The following UBN2 variants were observed in gnomAD, a reference collection of about 807,000 sequenced individuals.
The protein encoded by UBN2 is ubinuclein 2, also known as ubinuclein-2.
UBN2 carries 35 observed loss-of-function variants against 120.2 expected under a neutral mutation model. The observed-to-expected ratio is 0.29, with a 90% CI of 0.22 to 0.39. The LOEUF is 0.39. UBN2 is among the 10% of genes least tolerant of loss of function. The pLI is 1.00. For synonymous variants in UBN2, 661 were observed against 648.7 expected (o/e 1.02, Z -0.29); for missense variants, 1,693 against 1,663.2 (o/e 1.02, Z -0.31).
At chr7:139,275,407 C>G (rs187427113) in intron 11 of UBN2, among the ~76,000 whole-genome samples, 91 of 148,614 alleles carry the variant, frequency 6.1e-4, no homozygotes, top group African/African-American at 2.2e-3. Context: ...CACGGTGAAA[C>G]CCCGTCTCTA....
chr7:139,236,923 A>G (rs1359864102), intron 1 of UBN2, 82 bp from the exon 2 acceptor site: 1 of 813,226 alleles, frequency 1.2e-6, no homozygotes, highest in Non-Finnish European at 1.9e-6. Flanking sequence ...TGGTTGTTAC[A>G]TAATGATAAA....
At chr7:139,317,992 G>GA in the UBN2 span, among the ~76,000 whole-genome samples, 2 of 152,070 alleles carry the variant, frequency 1.3e-5, no homozygotes, top group African/African-American at 4.8e-5. Flanking sequence ...CCACTTTCCT[G>GA]AGTTTGTCAC....
At chr7:139,269,351 A>G in intron 7 of UBN2, 43 bp from the exon 8 acceptor site, 1 of 1,579,714 alleles carries the variant, frequency 6.3e-7, no homozygotes, top group Non-Finnish European at 8.6e-7. Flanking sequence ...TGCCACCTAA[A>G]ATAAATTCTA....
At chr7:139,277,076 G>A (rs1025530010) in intron 12 of UBN2, 1 of 151,682 alleles carries the variant, frequency 6.6e-6, no homozygotes, top group African/African-American at 2.4e-5. Flanking sequence ...AAAAAAAAAG[G>A]GGGGGGTTAT....
chr7:139,286,807 C>T (rs978471129), intron 15 of UBN2, among the ~76,000 whole-genome samples: 3 of 152,124 alleles, frequency 2.0e-5, no homozygotes, highest in African/African-American at 7.2e-5. Context: ...AGAGTTTCCC[C>T]TTGCTGTATG....
At chr7:139,241,154 T>C (rs1018317522) in intron 2 of UBN2, among the ~76,000 whole-genome samples, 3 of 152,228 alleles carry the variant, frequency 2.0e-5, no homozygotes, top group African/African-American at 7.2e-5. Context: ...ATTTGATGGG[T>C]ATAGACTTGT....
At chr7:139,320,257 T>C in the UBN2 span, among the ~76,000 whole-genome samples, 1 of 148,970 alleles carries the variant, frequency 6.7e-6, no homozygotes, top group South Asian at 2.1e-4. Flanking sequence ...AGGTCAGGAG[T>C]TTGAGACCAG....
chr7:139,277,665 T>C (rs894366938), intron 12 of UBN2: 1 of 152,202 alleles, frequency 6.6e-6, no homozygotes, highest in African/African-American at 2.4e-5. Flanking sequence ...AGGTTTACTT[T>C]GTTGCAAGAG....
At chr7:139,247,215 T>A (rs1453937509) in intron 2 of UBN2, among the ~76,000 whole-genome samples, 2 of 152,050 alleles carry the variant, frequency 1.3e-5, no homozygotes, top group Non-Finnish European at 2.9e-5. Context: ...CATTTTGCAT[T>A]CCTGCTAGTG....
the UBN2 span, among the ~76,000 whole-genome samples, chr7:139,327,784 C>T: frequency 3.3e-5 from 5 of 152,142 alleles, no homozygotes; most frequent in African/African-American, 9.7e-5. Flanking sequence ...GTCCAGAATT[C>T]GTATCACCCC....
chr7:139,241,722 T>C (rs1187378713), intron 2 of UBN2, among the ~76,000 whole-genome samples: 1 of 152,138 alleles, frequency 6.6e-6, no homozygotes, highest in African/African-American at 2.4e-5. Context: ...ATCAGCTAGG[T>C]GAAGCGGCCC....
At chr7:139,242,367 T>C (rs1796344074) in intron 2 of UBN2, among the ~76,000 whole-genome samples, 2 of 152,220 alleles carry the variant, frequency 1.3e-5, no homozygotes, top group Admixed American at 1.3e-4. Flanking sequence ...CTGTTTGTTT[T>C]GGCCTTATGT....
At chr7:139,246,235 C>T (rs768652767) in intron 2 of UBN2, among the ~76,000 whole-genome samples, 1 of 151,966 alleles carries the variant, frequency 6.6e-6, no homozygotes, top group Non-Finnish European at 1.5e-5. Flanking sequence ...TGTGGTAGTG[C>T]GCACCTGCAG....
chr7:139,249,767 A>G (rs1369978967), intron 2 of UBN2, among the ~76,000 whole-genome samples: 2 of 152,010 alleles, frequency 1.3e-5, no homozygotes, highest in African/African-American at 2.4e-5. Flanking sequence ...GTGCAGTGGC[A>G]TGAACTTGGC....
intron 3 of UBN2, among the ~76,000 whole-genome samples, chr7:139,257,483 A>G (rs1796794046): frequency 6.6e-6 from 1 of 152,116 alleles, no homozygotes; most frequent in Non-Finnish European, 1.5e-5. Context: ...ATCTTGGCTC[A>G]CTGCACCCTC....
At chr7:139,323,848 G>A in the UBN2 span, among the ~76,000 whole-genome samples, 1 of 151,976 alleles carries the variant, frequency 6.6e-6, no homozygotes, top group Non-Finnish European at 1.5e-5. Flanking sequence ...GCAAGTTTTC[G>A]TAGATGCAAG....
intron 2 of UBN2, among the ~76,000 whole-genome samples, chr7:139,237,686 C>T (rs12531971): frequency 0.089 from 13,556 of 152,106 alleles, 1,073 homozygotes; most frequent in Admixed American, 0.21. Context: ...GCTCTGAGTT[C>T]AAGATTAAGT....
In UBN2 at chr7:139,283,992, T is replaced by C. The variant is rs746493307; in HGVS notation, c.3087T>C (p.Ser1029=). 3.1e-5 allele frequency: 50 copies of C among 1,613,368 alleles called. No homozygotes were observed. Among genetic ancestry groups the C allele is most frequent in the Non-Finnish European group, 4.2e-5 (49 of 1,179,848 alleles). The change falls in exon 15 of 18, where the codon TCT becomes TCC. Residue 1029 remains serine, a synonymous_variant. Transcript: ENST00000473989. ...AGATCTCCACGCAGGGTTTCAAATC[T>C]CCCTTCTCGATGGCTGCCTCCCCAA... ...VSQISTQGFK[S]PFSMAASPKL...
At chr7:139,312,359 A>G (rs1449153941), downstream of UBN2, among the ~76,000 whole-genome samples, 1 of 152,206 alleles carries the variant, frequency 6.6e-6, no homozygotes, top group Non-Finnish European at 1.5e-5. Flanking sequence ...CTATGCGTAC[A>G]TTTAGGGTGT....
Sources: allele counts gnomAD v4.1 joint callset (sites outside exome capture counted in the v4.1 genomes callset), GRCh38; gene constraint gnomAD v4.1.1; transcripts MANE v1.5; gene names NCBI Gene and HGNC (gene_info 2026-07-23, HGNC 2026-07-21).